Variants in HECTD2 observed in about 807,000 individuals in gnomAD.
HECTD2 encodes probable E3 ubiquitin-protein ligase HECTD2.
A neutral mutation model predicts 103.2 loss-of-function variants in HECTD2; 35 were observed. The observed-to-expected ratio is 0.34, with a 90% CI of 0.26 to 0.45. The LOEUF is 0.45. Ranked by LOEUF, HECTD2 falls within the 20% of genes least tolerant of loss-of-function variation. The pLI, the probability that HECTD2 is intolerant of heterozygous loss-of-function variation, is 1.00. For synonymous variants in HECTD2, 281 were observed against 329.9 expected, an observed-to-expected ratio of 0.85 and a Z score of 1.61; for missense variants, 596 against 937.4, an observed-to-expected ratio of 0.64 and a Z score of 4.76.
At chr10:91,493,311 T>A (rs1034092776) in intron 13 of HECTD2, 109 bp from the exon 14 acceptor site, 89 of 479,360 alleles carry the variant, frequency 1.9e-4, no homozygotes, top group African/African-American at 1.7e-3. Context: ...AACAGAATTA[T>A]TGTTGAATTG....
rs946362355 is a variant in HECTD2, at chr10:91,513,056, A to G, written c.*672A>G. On this transcript the variant is annotated 3_prime_UTR_variant, in exon 21 of 21. Coordinates refer to ENST00000298068, the MANE Select transcript of HECTD2 (RefSeq NM_182765.6). Reference sequence around the variant, plus strand: ...ACACAGCTTTTACAAATCAATAAAGATGATTGTACAAGAGTATTTTCAGAC... The same window carrying G: ...ACACAGCTTTTACAAATCAATAAAGGTGATTGTACAAGAGTATTTTCAGAC... 1 of 152,658 alleles carries G rather than the reference A, an allele frequency of 6.6e-6. No individual in the cohort carries two copies. Among genetic ancestry groups the G allele is most frequent in the Non-Finnish European group, 1.5e-5 (1 of 68,040 alleles). The allele number at this position is 152,658 out of a possible 1,614,324, so 9.5% of individuals were successfully genotyped here. A position where few individuals can be genotyped will look rare whatever the true frequency, so the allele number is the denominator to read the frequency against.
chr10:91,471,995 A>T (rs1845746101), intron 5 of HECTD2, among the ~76,000 whole-genome samples: 1 of 152,220 alleles, frequency 6.6e-6, no homozygotes, highest in South Asian at 2.1e-4. Flanking sequence ...AAAGAGTTTG[A>T]TTAGCCAAGG....
At chr10:91,478,352 A>AATATTTAG in intron 6 of HECTD2, 87 bp downstream of exon 6, 1 of 791,166 alleles carries the variant, frequency 1.3e-6, no homozygotes, top group Non-Finnish European at 2.1e-6. Context: ...TATGTATTTT[A>AATATTTAG]CTCTCAGAAA....
intron 18 of HECTD2, among the ~76,000 whole-genome samples, chr10:91,499,751 C>T (rs1381080290): frequency 6.6e-6 from 1 of 152,106 alleles, no homozygotes; most frequent in Non-Finnish European, 1.5e-5. Flanking sequence ...CCATTTATAC[C>T]TCCCTTAGTT....
chr10:91,429,521 G>C (rs982326301), intron 2 of HECTD2, among the ~76,000 whole-genome samples: 2 of 152,010 alleles, frequency 1.3e-5, no homozygotes, highest in African/African-American at 2.4e-5. Flanking sequence ...ACTCTTTTTG[G>C]TTGGTAAGCT....
intron 2 of HECTD2, among the ~76,000 whole-genome samples, chr10:91,428,440 G>A (rs1843674596): frequency 6.6e-6 from 1 of 151,760 alleles, no homozygotes; most frequent in Admixed American, 6.6e-5. Context: ...TGATGGTGAT[G>A]GCATTGAATC....
intron 20 of HECTD2, among the ~76,000 whole-genome samples, chr10:91,507,942 G>A (rs1263316408): frequency 7.2e-6 from 1 of 138,998 alleles, no homozygotes; most frequent in Non-Finnish European, 1.5e-5. Context: ...CAGTGGAACA[G>A]AACAGAGCCC....
intron 5 of HECTD2, chr10:91,462,437 C>A: frequency 8.1e-7 from 1 of 1,241,578 alleles, no homozygotes; most frequent in South Asian, 3.3e-5. Flanking sequence ...TTTACTTACT[C>A]AGCAAAAGGA....
chr10:91,491,467 A>G (rs185699913), intron 12 of HECTD2, among the ~76,000 whole-genome samples, 160 bp downstream of exon 12: 2 of 152,328 alleles, frequency 1.3e-5, no homozygotes, highest in Admixed American at 6.5e-5. Flanking sequence ...GTAAAGTTTG[A>G]TACCATAGTT....
At chr10:91,511,679 G>A (rs1187859270) in intron 20 of HECTD2, among the ~76,000 whole-genome samples, 1 of 152,026 alleles carries the variant, frequency 6.6e-6, no homozygotes, top group Admixed American at 6.6e-5. Flanking sequence ...TTCACAATAG[G>A]GTCCTTGTTC....
chr10:91,501,653 G>A (rs531843393), intron 20 of HECTD2, among the ~76,000 whole-genome samples: 2 of 151,982 alleles, frequency 1.3e-5, no homozygotes, highest in Non-Finnish European at 2.9e-5. Context: ...AATGTGAAAT[G>A]TGTTTTTTAT....
intron 2 of HECTD2, among the ~76,000 whole-genome samples, chr10:91,447,729 AAG>A (rs1844637518): frequency 1.3e-5 from 1 of 75,980 alleles, no homozygotes; most frequent in Non-Finnish European, 2.7e-5. Flanking sequence ...AGAAAAAAAA[AAG>A]CAAGGGTTGC....
At chr10:91,428,521 C>T (rs891012322) in intron 2 of HECTD2, among the ~76,000 whole-genome samples, 1 of 152,078 alleles carries the variant, frequency 6.6e-6, no homozygotes, top group Admixed American at 6.6e-5. Context: ...ATGGAATGTT[C>T]TTCCATTTGT....
intron 20 of HECTD2, among the ~76,000 whole-genome samples, chr10:91,505,270 C>T (rs1847105724): frequency 1.3e-5 from 2 of 151,762 alleles, no homozygotes; most frequent in Non-Finnish European, 2.9e-5. Context: ...TCACACATAA[C>T]ACTATTAACT....
Position 91,485,205 on chromosome 10 carries a change from T to TC in HECTD2, c.1000dup (p.Leu334ProfsTer6). 1 of 1,563,792 alleles carries TC rather than the reference T, an allele frequency of 6.4e-7. No homozygotes were observed. On this transcript the variant is annotated frameshift_variant, in exon 10 of 21. Transcript: ENST00000298068. LOFTEE classifies it high-confidence loss of function. ...ATACTGCAAACAATTTAGTTCACCC[T>TC]CCCCTTATTCCTTATACTGATTTCT... is the stretch of plus-strand genomic sequence containing the variant.
At chr10:91,498,316 AC>A in intron 16 of HECTD2, 134 bp downstream of exon 16, 1 of 619,946 alleles carries the variant, frequency 1.6e-6, no homozygotes, top group Non-Finnish European at 2.9e-6. Context: ...GTCTTAAAGG[AC>A]CTTAACCTGA....
At chr10:91,460,697 A>G (rs1321954862) in intron 3 of HECTD2, 132 bp downstream of exon 3, 7 of 750,904 alleles carry the variant, frequency 9.3e-6, no homozygotes, top group South Asian at 7.9e-5. Context: ...TCAAAAGACT[A>G]TATGTCTCAA....
intron 5 of HECTD2, among the ~76,000 whole-genome samples, chr10:91,472,961 T>G (rs1845778726): frequency 6.6e-6 from 1 of 152,070 alleles, no homozygotes; most frequent in African/African-American, 2.4e-5. Context: ...GAAAAAGAGA[T>G]AAACTATAAA....
intron 8 of HECTD2, 29 bp from the exon 9 acceptor site, chr10:91,484,478 G>A (rs888914017): frequency 1.3e-6 from 2 of 1,590,396 alleles, no homozygotes; most frequent in South Asian, 1.1e-5. Context: ...TGTGAATTTT[G>A]ATTGCAATTA....
Sources: gnomAD v4.1 joint callset for allele counts (sites outside exome capture counted in the v4.1 genomes callset) on GRCh38, gnomAD v4.1.1 for gene constraint, MANE v1.5 for transcripts, NCBI Gene and HGNC (gene_info 2026-07-23, HGNC 2026-07-21) for gene names.